The following RBFOX1 variants were observed in gnomAD, a reference collection of about 807,000 sequenced individuals.
RBFOX1 encodes RNA binding fox-1 homolog 1, also known as RNA binding protein fox-1 homolog 1.
A neutral mutation model predicts 57.7 loss-of-function variants in RBFOX1; 8 were observed. That is an observed-to-expected ratio of 0.14 (90% CI 0.08 to 0.25). The LOEUF (loss-of-function observed/expected upper bound fraction) is 0.25, where lower values mean the gene tolerates loss of function less well. RBFOX1 is among the 10% of genes least tolerant of loss of function. The pLI, the probability that RBFOX1 is intolerant of heterozygous loss-of-function variation, is 1.00. For missense variants in RBFOX1, 611 were observed against 548.5 expected, an observed-to-expected ratio of 1.11 and a Z score of -1.14; for synonymous variants, 326 against 222.4, an observed-to-expected ratio of 1.47 and a Z score of -4.15.
At chr16:5,842,480 A>G (rs899333220) in intron 3 of RBFOX1, among the ~76,000 whole-genome samples, 2 of 152,210 alleles carry the variant, frequency 1.3e-5, no homozygotes, top group Non-Finnish European at 2.9e-5. Context: ...CACCTACTGC[A>G]TGCCTGCCAC....
intron 4 of RBFOX1, among the ~76,000 whole-genome samples, chr16:7,118,390 T>G (rs2151745283): frequency 6.6e-6 from 1 of 152,256 alleles, no homozygotes; most frequent in South Asian, 2.1e-4. Context: ...TATTCTCATC[T>G]TCTGAGAAAT....
chr16:6,249,012 A>G (rs2097585813), intron 1 of RBFOX1, among the ~76,000 whole-genome samples: 1 of 152,172 alleles, frequency 6.6e-6, no homozygotes, highest in Non-Finnish European at 1.5e-5. Context: ...CCGTATGTTC[A>G]TAGATTAAAA....
chr16:6,933,367 G>T (rs968463276), intron 3 of RBFOX1, among the ~76,000 whole-genome samples: 1 of 152,202 alleles, frequency 6.6e-6, no homozygotes, highest in African/African-American at 2.4e-5. Context: ...AGTGCACAAG[G>T]GTTCCAATCT....
At chr16:6,291,297 A>G (rs749590937) in intron 1 of RBFOX1, among the ~76,000 whole-genome samples, 6 of 152,178 alleles carry the variant, frequency 3.9e-5, no homozygotes, top group Admixed American at 6.5e-5. Flanking sequence ...CTCCGCTGCT[A>G]TTCAAGATGG....
intron 4 of RBFOX1, among the ~76,000 whole-genome samples, chr16:7,185,627 G>A (rs376838903): frequency 6.6e-4 from 100 of 152,288 alleles, no homozygotes; most frequent in African/African-American, 2.3e-3. Context: ...ACTAATATTT[G>A]TGTGTCAGAA....
intron 2 of RBFOX1, among the ~76,000 whole-genome samples, chr16:6,562,894 T>G (rs1035653786): frequency 6.9e-6 from 1 of 145,162 alleles, no homozygotes; most frequent in African/African-American, 2.6e-5. Flanking sequence ...TTTTTTTTTT[T>G]TTTTGCATAG....
chr16:7,080,388 T>C (rs1180095797), intron 4 of RBFOX1, among the ~76,000 whole-genome samples: 1 of 152,146 alleles, frequency 6.6e-6, no homozygotes, highest in African/African-American at 2.4e-5. Context: ...ACAAGTAACC[T>C]GTCTTTATCC....
chr16:6,450,811 A>ATATACATATATATG lies in RBFOX1; in HGVS notation c.-64+133758_-64+133759insCATATATATGTATA, dbSNP rs1344004753. On this transcript the variant is annotated intron_variant, in intron 2 of 15. Coordinates refer to ENST00000550418, the MANE Select transcript of RBFOX1 (RefSeq NM_018723.4). ...TATACATATATATATGTATATATATATATATACATATATATATATATATAT... is the reference window on the plus strand; with the variant it reads ...TATACATATATATATGTATATATATATATACATATATATGTATATACATATATATATATATATAT... 1.0e-3 allele frequency among the ~76,000 whole-genome samples: 24 copies of ATATACATATATATG among 24,118 alleles called. 2 individuals are homozygous for ATATACATATATATG. Among genetic ancestry groups the ATATACATATATATG allele is most frequent in the East Asian group, 2.0e-3 (1 of 506 alleles). 15.8% of individuals were successfully genotyped at this position (24,118 alleles called of 152,430 possible).
chr16:6,638,746 C>T (rs529593252), intron 2 of RBFOX1, among the ~76,000 whole-genome samples: 4 of 152,272 alleles, frequency 2.6e-5, no homozygotes, highest in South Asian at 2.1e-4. Flanking sequence ...ACAAAAGAGA[C>T]TTCTCTTCGC....
In RBFOX1 at chr16:5,366,391, T is replaced by C. The variant is rs557146813; in HGVS notation, c.220-100825T>C. The C allele has an allele frequency of 4.5e-5, 19 of 426,180 alleles. No individual in the cohort carries two copies. In the East Asian group the frequency reaches 8.8e-4, roughly 20 times the overall value. 26.4% of individuals were successfully genotyped at this position (426,180 alleles called of 1,614,324 possible). A position where few individuals can be genotyped will look rare whatever the true frequency, so the allele number is the denominator to read the frequency against. ...GAAGAAAAGTACCAGTGAAGAAATA[T>C]ATATGAGATACTCCAGCCAAAAATG... On this transcript the variant is annotated intron_variant, in intron 1 of 2. Coordinates refer to the RBFOX1 transcript ENST00000585867.
intron 2 of RBFOX1, among the ~76,000 whole-genome samples, chr16:6,359,314 G>C (rs986889861): frequency 3.3e-5 from 5 of 152,134 alleles, no homozygotes; most frequent in African/African-American, 9.6e-5. Flanking sequence ...GGCTGGTCTT[G>C]AACTCCTGAC....
chr16:6,627,477 A>G (rs1297577790), intron 2 of RBFOX1, among the ~76,000 whole-genome samples: 1 of 152,160 alleles, frequency 6.6e-6, no homozygotes, highest in Non-Finnish European at 1.5e-5. Flanking sequence ...TGGGTGAGGA[A>G]GAATATTGGA....
intron 1 of RBFOX1, among the ~76,000 whole-genome samples, chr16:6,202,524 C>G (rs1242254438): frequency 1.3e-5 from 2 of 152,088 alleles, no homozygotes; most frequent in Admixed American, 1.3e-4. Context: ...TCATGCACCT[C>G]TAGAGTTTTC....
At chr16:5,755,493 G>T (rs1441442483) in intron 3 of RBFOX1, among the ~76,000 whole-genome samples, 4 of 152,198 alleles carry the variant, frequency 2.6e-5, no homozygotes, top group African/African-American at 9.7e-5. Flanking sequence ...GTAGACCAAA[G>T]CAGTAGCCCT....
At chr16:7,000,729 C>A (rs1232643248) in intron 3 of RBFOX1, among the ~76,000 whole-genome samples, 1 of 151,480 alleles carries the variant, frequency 6.6e-6, no homozygotes, top group Non-Finnish European at 1.5e-5. Context: ...CTCAGCCTCC[C>A]AAGTAGCTGG....
intron 1 of RBFOX1, among the ~76,000 whole-genome samples, chr16:5,421,799 C>G (rs1172410924): frequency 6.6e-6 from 1 of 151,998 alleles, no homozygotes; most frequent in South Asian, 2.1e-4. Flanking sequence ...CCTAAGAAAC[C>G]CAATAGAAAA....
At chr16:7,030,093 G>A (rs1249913061) in intron 3 of RBFOX1, among the ~76,000 whole-genome samples, 1 of 152,150 alleles carries the variant, frequency 6.6e-6, no homozygotes, top group Non-Finnish European at 1.5e-5. Context: ...ACAAATTGGT[G>A]CCAAAAATTA....
chr16:7,050,611 A>C (rs1423930669), intron 3 of RBFOX1, among the ~76,000 whole-genome samples: 1 of 152,034 alleles, frequency 6.6e-6, no homozygotes, highest in African/African-American at 2.4e-5. Flanking sequence ...TTTTTAACCC[A>C]AGATAGGAAC....
intron 1 of RBFOX1, among the ~76,000 whole-genome samples, chr16:6,121,408 C>T (rs1376951229): frequency 6.6e-6 from 1 of 152,166 alleles, no homozygotes; most frequent in Non-Finnish European, 1.5e-5. Flanking sequence ...TGGAGAAACA[C>T]CAGGGAAAGT....
Sources: allele counts gnomAD v4.1 joint callset (sites outside exome capture counted in the v4.1 genomes callset), GRCh38; gene constraint gnomAD v4.1.1; transcripts MANE v1.5; gene names NCBI Gene and HGNC (gene_info 2026-07-23, HGNC 2026-07-21).